The following CTNND2 variants were observed in gnomAD, a reference collection of about 807,000 sequenced individuals.
CTNND2 encodes the protein catenin delta-2.
In CTNND2, 22 loss-of-function variants were observed where a neutral mutation model predicts 144.4. That is an observed-to-expected ratio of 0.15 (90% CI 0.11 to 0.22). CTNND2 has a LOEUF of 0.22. Among genes scored for constraint, CTNND2 ranks in the 10% least tolerant of loss-of-function variants. The pLI, the probability that CTNND2 is intolerant of heterozygous loss-of-function variation, is 1.00. For synonymous variants in CTNND2, 751 were observed against 695.6 expected (o/e 1.08, Z -1.25); for missense variants, 1,353 against 1,618.8 (o/e 0.84, Z 2.82).
chr5:11,556,729 A>G (rs1337550900), intron 3 of CTNND2, among the ~76,000 whole-genome samples: 4 of 143,340 alleles, frequency 2.8e-5, no homozygotes, highest in African/African-American at 7.8e-5. Context: ...TATCCAAAGT[A>G]TGGCAGACTT....
At chr5:11,672,992 T>C (rs916751757) in intron 2 of CTNND2, among the ~76,000 whole-genome samples, 2 of 152,118 alleles carry the variant, frequency 1.3e-5, no homozygotes, top group African/African-American at 4.8e-5. Flanking sequence ...AATGCAGAAA[T>C]CACCCACCTT....
chr5:11,035,141 C>T (rs1200811141), intron 16 of CTNND2, among the ~76,000 whole-genome samples: 1 of 151,016 alleles, frequency 6.6e-6, no homozygotes, highest in Non-Finnish European at 1.5e-5. Flanking sequence ...TCTAATGCTG[C>T]TGTAACAAAT....
At chr5:11,145,478 C>T (rs1757154296) in intron 12 of CTNND2, among the ~76,000 whole-genome samples, 1 of 152,114 alleles carries the variant, frequency 6.6e-6, no homozygotes, top group Non-Finnish European at 1.5e-5. Context: ...ATGCCTGCTC[C>T]TCTGAGCTTG....
chr5:11,616,828 A>G (rs945878220), intron 2 of CTNND2, among the ~76,000 whole-genome samples: 19 of 152,108 alleles, frequency 1.2e-4, no homozygotes, highest in South Asian at 2.1e-4. Flanking sequence ...TCTTGTCTCA[A>G]ATTCCTGGCC....
rs112938578 is a variant in CTNND2 at position 11,312,807 on chromosome 5, C to T, written c.1628+33565G>A. 4.9e-3 allele frequency among the ~76,000 whole-genome samples: 728 copies of T among 148,318 alleles called. 2 individuals carry two copies. The highest frequency in any genetic ancestry group is 0.017 in the African/African-American group (681 of 40,636). On this transcript the variant is annotated intron_variant, in intron 9 of 21. Transcript: ENST00000304623. ...CACACTCAAAGCCAGCCATACGTCC[C>T]TGGACAACTTGTCCTTTTCACATAT...
chr5:11,428,571 G>A (rs1429302871), intron 3 of CTNND2, among the ~76,000 whole-genome samples: 3 of 152,192 alleles, frequency 2.0e-5, no homozygotes, highest in African/African-American at 4.8e-5. Context: ...TGAGAACAGA[G>A]ACTAAACCAC....
At chr5:11,194,389 C>T (rs1410687709) in intron 11 of CTNND2, among the ~76,000 whole-genome samples, 3 of 152,034 alleles carry the variant, frequency 2.0e-5, no homozygotes, top group Admixed American at 2.0e-4. Flanking sequence ...TCCTCCAGGC[C>T]AACAAACAAA....
At chr5:11,082,667 T>C in intron 16 of CTNND2, 29 bp downstream of exon 16, 3 of 1,610,704 alleles carry the variant, frequency 1.9e-6, no homozygotes, top group Non-Finnish European at 2.5e-6. Context: ...ACTTAACACT[T>C]GAGACACTGT....
intron 3 of CTNND2, among the ~76,000 whole-genome samples, chr5:11,468,187 T>C (rs913439480): frequency 6.6e-6 from 1 of 152,112 alleles, no homozygotes; most frequent in Non-Finnish European, 1.5e-5. Context: ...AATCCTAAGA[T>C]TAAGGCAGTC....
chr5:11,892,058 T>C (rs1282555968), intron 1 of CTNND2, among the ~76,000 whole-genome samples: 1 of 152,246 alleles, frequency 6.6e-6, no homozygotes, highest in Non-Finnish European at 1.5e-5. Context: ...TCACAAATTC[T>C]TCTGACATCA....
intron 11 of CTNND2, among the ~76,000 whole-genome samples, chr5:11,192,135 A>G (rs1211717999): frequency 2.0e-5 from 3 of 152,224 alleles, no homozygotes; most frequent in African/African-American, 7.2e-5. Flanking sequence ...CAAGGTGGCA[A>G]CAATTCCTGT....
intron 18 of CTNND2, among the ~76,000 whole-genome samples, chr5:11,007,828 C>T (rs852616): frequency 6.6e-6 from 1 of 152,148 alleles, no homozygotes; most frequent in Non-Finnish European, 1.5e-5. Flanking sequence ...TGGATGTCCA[C>T]GGAATGAACA....
chr5:11,263,150 G>T (rs545642518), intron 9 of CTNND2, among the ~76,000 whole-genome samples: 3 of 152,152 alleles, frequency 2.0e-5, no homozygotes, highest in Non-Finnish European at 4.4e-5. Context: ...ATTCAAAGAT[G>T]ACTTGATTCT....
chr5:11,248,288 T>C (rs1191606130), intron 9 of CTNND2, among the ~76,000 whole-genome samples: 1 of 151,986 alleles, frequency 6.6e-6, no homozygotes, highest in Non-Finnish European at 1.5e-5. Context: ...GATTAAGAAT[T>C]TGAGAAAACC....
chr5:11,427,886 G>A (rs1762929541), intron 3 of CTNND2, among the ~76,000 whole-genome samples: 1 of 152,068 alleles, frequency 6.6e-6, no homozygotes. Context: ...ACATACTCAA[G>A]ACTGGGAGGA....
intron 13 of CTNND2, among the ~76,000 whole-genome samples, chr5:11,116,333 G>A (rs1448097359): frequency 6.6e-6 from 1 of 152,212 alleles, no homozygotes; most frequent in East Asian, 1.9e-4. Context: ...TATCCAGTGG[G>A]CGGAAGCCAG....
chr5:11,731,637 C>T (rs974940060), intron 2 of CTNND2, among the ~76,000 whole-genome samples: 1 of 152,122 alleles, frequency 6.6e-6, no homozygotes, highest in Non-Finnish European at 1.5e-5. Context: ...GAGGAAGAAT[C>T]GTTCAGACTT....
intron 2 of CTNND2, among the ~76,000 whole-genome samples, chr5:11,672,899 C>G (rs1169500980): frequency 6.6e-6 from 1 of 152,128 alleles, no homozygotes; most frequent in Non-Finnish European, 1.5e-5. Context: ...TGAAGCAACA[C>G]CCCACCCTGC....
At chr5:11,858,648 G>A (rs917020495) in intron 1 of CTNND2, among the ~76,000 whole-genome samples, 1 of 152,210 alleles carries the variant, frequency 6.6e-6, no homozygotes, top group African/African-American at 2.4e-5. Flanking sequence ...AGTAAGAACA[G>A]GCTGGGCACG....
Sources: gnomAD v4.1 joint callset for allele counts (sites outside exome capture counted in the v4.1 genomes callset) on GRCh38, gnomAD v4.1.1 for gene constraint, MANE v1.5 for transcripts, NCBI Gene and HGNC (gene_info 2026-07-23, HGNC 2026-07-21) for gene names.